CCSER2: variants seen among roughly 807,000 people sequenced by gnomAD.
CCSER2 encodes serine-rich coiled-coil domain-containing protein 2.
In CCSER2, 46 loss-of-function variants were observed where a neutral mutation model predicts 92.3. That is an observed-to-expected ratio of 0.50 (90% CI 0.39 to 0.64). The LOEUF (loss-of-function observed/expected upper bound fraction) is 0.64, where lower values mean the gene tolerates loss of function less well. Among genes scored for constraint, CCSER2 ranks in the 30% least tolerant of loss-of-function variants. The pLI, the probability that CCSER2 is intolerant of heterozygous loss-of-function variation, is 0.00. For missense variants in CCSER2, 1,244 were observed against 1,238.9 expected (o/e 1.00, Z -0.06); for synonymous variants, 433 against 431.4 (o/e 1.00, Z -0.04).
intron 6 of CCSER2, among the ~76,000 whole-genome samples, chr10:84,457,280 TATATATTATATATTATATATA>T (rs1845725748): frequency 5.5e-5 from 1 of 18,284 alleles, no homozygotes; most frequent in Non-Finnish European, 7.6e-5. Flanking sequence ...TATAATATAT[TATATATTATATATTATATATA>T]ATATGTTATA....
intron 6 of CCSER2, among the ~76,000 whole-genome samples, chr10:84,462,028 C>G (rs2133660189): frequency 6.6e-6 from 1 of 152,260 alleles, no homozygotes. Context: ...AAGCTTTTGC[C>G]ATGCTTTCCA....
At chr10:84,340,696 A>G (rs1210741306) in intron 1 of CCSER2, among the ~76,000 whole-genome samples, 3 of 149,848 alleles carry the variant, frequency 2.0e-5, no homozygotes, top group Non-Finnish European at 1.5e-5. Context: ...TTACCCTGAC[A>G]CTCATCCCCT....
chr10:84,463,631 A>C (rs968320682), intron 6 of CCSER2, among the ~76,000 whole-genome samples: 3 of 152,170 alleles, frequency 2.0e-5, no homozygotes, highest in Admixed American at 2.0e-4. Flanking sequence ...ACAGTCTTAA[A>C]ATTCTTTAGG....
intron 1 of CCSER2, among the ~76,000 whole-genome samples, chr10:84,330,265 C>G (rs1280642018): frequency 6.6e-6 from 1 of 152,168 alleles, no homozygotes; most frequent in African/African-American, 2.4e-5. Flanking sequence ...TATGCCTGCC[C>G]TCTCTATATA....
rs1366653063 is a variant in CCSER2, at chr10:84,517,552, G to A, written c.*3285G>A. 3.3e-5 allele frequency: 5 copies of A among 152,712 alleles called. No individual in the cohort carries two copies. The East Asian group carries it at 9.7e-4, about 30-fold the overall frequency. The allele number at this position is 152,712 out of a possible 1,614,324, so 9.5% of individuals were successfully genotyped here. The stretch of plus-strand genomic sequence containing the variant: ...GCACTTTAAATGAGCTTAATTGCTT[G>A]AAGTTGTGCCTGAAATATCGAATTG... On this transcript the variant is annotated 3_prime_UTR_variant, in exon 10 of 10. Coordinates refer to ENST00000372088, the MANE Select transcript of CCSER2 (RefSeq NM_001284240.2).
intron 1 of CCSER2, among the ~76,000 whole-genome samples, chr10:84,370,210 CTGCTT>C (rs1348010067): frequency 2.0e-5 from 3 of 152,026 alleles, no homozygotes; most frequent in African/African-American, 7.2e-5. Context: ...AATCTGTAGA[CTGCTT>C]TGGGCAGCAT....
At position 84,463,977 on chromosome 10, in the gene CCSER2, A is replaced by T; in HGVS notation, c.2109A>T (p.Pro703=). Residue 703 remains proline, a synonymous_variant, in exon 7 of 10, where the codon CCA becomes CCT. Transcript: ENST00000372088. ...GSLHDIQLSL[P]SSPEPEDGDK... is the part of the protein sequence containing the mutation. Reference sequence around the variant, plus strand: ...TGCATGATATTCAACTGTCATTGCCATCCAGTCCAGAACCAGAAGATGGTG... The same window carrying T: ...TGCATGATATTCAACTGTCATTGCCTTCCAGTCCAGAACCAGAAGATGGTG... 6.2e-7 allele frequency: 1 copy of T among 1,611,844 alleles called. No homozygotes were observed. The highest frequency in any genetic ancestry group is 8.5e-7 in the Non-Finnish European group (1 of 1,178,210).
intron 9 of CCSER2, among the ~76,000 whole-genome samples, chr10:84,505,001 G>C (rs991388864): frequency 2.0e-5 from 3 of 152,030 alleles, no homozygotes; most frequent in Admixed American, 2.0e-4. Context: ...TAATAGTAAT[G>C]TAGTGACTCA....
intron 4 of CCSER2, among the ~76,000 whole-genome samples, chr10:84,422,794 C>T (rs960371210): frequency 6.6e-6 from 1 of 152,180 alleles, no homozygotes; most frequent in African/African-American, 2.4e-5. Context: ...GTGGCTCACG[C>T]ATGTAATTCC....
chr10:84,453,098 C>T (rs1845394634), intron 6 of CCSER2, among the ~76,000 whole-genome samples: 1 of 152,038 alleles, frequency 6.6e-6, no homozygotes, highest in Admixed American at 6.5e-5. Flanking sequence ...ATATTAATAA[C>T]TTAAACACTA....
chr10:84,393,470 T>C (rs1399520412), intron 3 of CCSER2, among the ~76,000 whole-genome samples: 1 of 151,976 alleles, frequency 6.6e-6, no homozygotes, highest in African/African-American at 2.4e-5. Context: ...TAAGCTTTCT[T>C]TTTTTTTGTT....
intron 9 of CCSER2, among the ~76,000 whole-genome samples, chr10:84,480,237 G>T (rs1024775612): frequency 6.6e-6 from 1 of 151,424 alleles, no homozygotes; most frequent in African/African-American, 2.4e-5. Flanking sequence ...TAGAGACAGG[G>T]GTCTCACACT....
intron 8 of CCSER2, among the ~76,000 whole-genome samples, chr10:84,471,765 T>A (rs1451956163): frequency 2.0e-5 from 3 of 152,102 alleles, no homozygotes; most frequent in Non-Finnish European, 4.4e-5. Flanking sequence ...ATCATTCTAA[T>A]GTTGGGATTT....
intron 3 of CCSER2, chr10:84,392,143 G>A (rs1377115279): frequency 1.7e-5 from 10 of 605,602 alleles, no homozygotes; most frequent in Non-Finnish European, 3.0e-5. Context: ...CCCTTTACGG[G>A]GGGAAGGGTA....
intron 3 of CCSER2, among the ~76,000 whole-genome samples, chr10:84,401,054 ACT>A (rs1295709201): frequency 1.3e-5 from 2 of 152,188 alleles, no homozygotes; most frequent in African/African-American, 4.8e-5. Flanking sequence ...GTAGAATGTA[ACT>A]AAAGCAGTGC....
intron 1 of CCSER2, among the ~76,000 whole-genome samples, chr10:84,342,569 C>T (rs1200869783): frequency 1.3e-5 from 2 of 152,172 alleles, no homozygotes; most frequent in Non-Finnish European, 2.9e-5. Flanking sequence ...ACAGAATAAA[C>T]TCCAAAAATA....
At chr10:84,505,315 GTC>G (rs1163670096) in intron 9 of CCSER2, among the ~76,000 whole-genome samples, 2 of 152,076 alleles carry the variant, frequency 1.3e-5, no homozygotes, top group Non-Finnish European at 2.9e-5. Flanking sequence ...CAGTGTCAGT[GTC>G]TCTCTTTTCT....
rs142715964 is a variant in CCSER2 at position 84,443,605 on chromosome 10, C to T, written c.2064+4898C>T. 2.8e-3 allele frequency among the ~76,000 whole-genome samples: 424 copies of T among 152,212 alleles called. 3 individuals carry two copies. The highest frequency in any genetic ancestry group is 9.8e-3 in the African/African-American group (409 of 41,536). On this transcript the variant is annotated intron_variant, in intron 6 of 9. Transcript: ENST00000372088. ...GTAGCGATTCCTCAAGGATCTAGAACCAGAAATACCATTTGATCCCGCAAT... is the reference window on the plus strand; with the variant it reads ...GTAGCGATTCCTCAAGGATCTAGAATCAGAAATACCATTTGATCCCGCAAT...
At chr10:84,497,837 C>T (rs1848532678) in intron 9 of CCSER2, among the ~76,000 whole-genome samples, 1 of 152,034 alleles carries the variant, frequency 6.6e-6, no homozygotes, top group South Asian at 2.1e-4. Context: ...AATAGAGTTA[C>T]AAAATTAAAA....
Sources: allele counts gnomAD v4.1 joint callset (sites outside exome capture counted in the v4.1 genomes callset), GRCh38; gene constraint gnomAD v4.1.1; transcripts MANE v1.5; gene names NCBI Gene and HGNC (gene_info 2026-07-23, HGNC 2026-07-21).